The following MNAT1 variants were observed in gnomAD, a reference collection of about 807,000 sequenced individuals.
The protein encoded by MNAT1 is CDK-activating kinase assembly factor MAT1.
A neutral mutation model predicts 42.0 loss-of-function variants in MNAT1; 43 were observed. The ratio of observed to expected loss-of-function variants is 1.02; its 90% confidence interval spans 0.80 to 1.32. The LOEUF is 1.32. Among genes scored for constraint, MNAT1 ranks in the 40% most tolerant of loss-of-function variants. The pLI is 0.00. For synonymous variants in MNAT1, 118 were observed against 120.0 expected, an observed-to-expected ratio of 0.98 and a Z score of 0.11; for missense variants, 306 against 350.4, an observed-to-expected ratio of 0.87 and a Z score of 1.01.
chr14:60,759,219 A>G (rs1308508174), intron 1 of MNAT1, among the ~76,000 whole-genome samples: 2 of 152,320 alleles, frequency 1.3e-5, no homozygotes, highest in South Asian at 2.1e-4. Flanking sequence ...ACTGTAATAT[A>G]TGCTAAAAAT....
chr14:60,762,999 A>G (rs1234040040), intron 1 of MNAT1, among the ~76,000 whole-genome samples: 1 of 152,158 alleles, frequency 6.6e-6, no homozygotes, highest in Non-Finnish European at 1.5e-5. Context: ...AACCTTATAA[A>G]TCATCTAGTA....
chr14:60,815,739 A>C (rs2032694472), intron 5 of MNAT1, among the ~76,000 whole-genome samples: 2 of 152,164 alleles, frequency 1.3e-5, no homozygotes, highest in African/African-American at 4.8e-5. Flanking sequence ...CAGTGTTTAG[A>C]TCATATAACA....
In MNAT1 at chr14:60,842,070, A is replaced by C. The variant is rs1245320605; in HGVS notation, c.687+23223A>C. Among the ~76,000 whole-genome samples, 2 of 152,220 alleles carry C rather than the reference A, an allele frequency of 1.3e-5. 1 individual carries two copies. Among genetic ancestry groups the C allele is most frequent in the South Asian group, 4.1e-4 (2 of 4,836 alleles). On this transcript the variant is annotated intron_variant, in intron 6 of 7. Transcript: ENST00000261245. ...AAATTCTCTAGAGCAGAGGTGGACA[A>C]ACGGCAGCTAACTGACTAAATCCCA...
chr14:60,945,235 G>A (rs2036247759), intron 7 of MNAT1, among the ~76,000 whole-genome samples: 2 of 152,014 alleles, frequency 1.3e-5, no homozygotes. Context: ...TGAGACACAG[G>A]CAGCACTTTC....
intron 7 of MNAT1, among the ~76,000 whole-genome samples, chr14:60,943,955 A>G (rs2036225884): frequency 6.6e-6 from 1 of 152,210 alleles, no homozygotes; most frequent in Non-Finnish European, 1.5e-5. Context: ...TATTCATATA[A>G]GTTTTGTATA....
chr14:60,949,692 C>T (rs975378018), intron 7 of MNAT1, among the ~76,000 whole-genome samples: 2 of 152,100 alleles, frequency 1.3e-5, no homozygotes, highest in Non-Finnish European at 2.9e-5. Context: ...AACCAACTAA[C>T]TGGCTAATCT....
chr14:60,940,859 G>A lies in MNAT1; in HGVS notation c.810-27370G>A, dbSNP rs532466084. On this transcript the variant is annotated intron_variant, in intron 7 of 7. Coordinates refer to ENST00000261245, the MANE Select transcript of MNAT1 (RefSeq NM_002431.4). The stretch of plus-strand genomic sequence containing the variant: ...CTCTTCAACATTACAGAATCAGAAG[G>A]GTCAAAATTAGAATAGCCTGAGAAG... 9.9e-5 allele frequency among the ~76,000 whole-genome samples: 15 copies of A among 152,060 alleles called. 1 individual carries two copies. In the South Asian group the frequency reaches 2.9e-3, roughly 29 times the overall value.
intron 7 of MNAT1, among the ~76,000 whole-genome samples, chr14:60,959,403 AC>A (rs1291647499): frequency 6.6e-6 from 1 of 151,910 alleles, no homozygotes; most frequent in East Asian, 1.9e-4. Context: ...CTTTGTTTCC[AC>A]CCATGCCAGT....
chr14:60,967,693 C>T (rs551040002), intron 7 of MNAT1, among the ~76,000 whole-genome samples: 90 of 152,174 alleles, frequency 5.9e-4, no homozygotes, highest in Non-Finnish European at 1.1e-3. Flanking sequence ...ATGTAATTTT[C>T]TAATGTTTCC....
At chr14:60,964,030 G>T (rs577330599) in intron 7 of MNAT1, among the ~76,000 whole-genome samples, 84 of 152,292 alleles carry the variant, frequency 5.5e-4, no homozygotes, top group Non-Finnish European at 8.7e-4. Flanking sequence ...ACTTCAGCCA[G>T]ATGGTCAATA....
chr14:60,741,680 T>TTTG (rs1555371492), intron 1 of MNAT1, among the ~76,000 whole-genome samples: 2 of 141,446 alleles, frequency 1.4e-5, no homozygotes, highest in African/African-American at 5.3e-5. Flanking sequence ...TTTTTTTTTT[T>TTTG]AATTTTTAGT....
intron 6 of MNAT1, among the ~76,000 whole-genome samples, chr14:60,839,750 G>A (rs1293106300): frequency 6.6e-6 from 1 of 152,252 alleles, no homozygotes; most frequent in South Asian, 2.1e-4. Context: ...TGCAGTGGAA[G>A]CCACTTGCGG....
At chr14:60,967,154 T>C (rs2036697168) in intron 7 of MNAT1, among the ~76,000 whole-genome samples, 1 of 152,220 alleles carries the variant, frequency 6.6e-6, no homozygotes, top group African/African-American at 2.4e-5. Context: ...TTTTTTCTAC[T>C]GGACTCTTAT....
intron 7 of MNAT1, among the ~76,000 whole-genome samples, chr14:60,940,532 C>T (rs576211185): frequency 9.9e-5 from 15 of 152,198 alleles, no homozygotes; most frequent in African/African-American, 3.4e-4. Flanking sequence ...ATTCTTCTGC[C>T]TCAGCCTCCC....
chr14:60,873,022 G>A (rs1013053319), intron 6 of MNAT1, among the ~76,000 whole-genome samples: 7 of 151,888 alleles, frequency 4.6e-5, no homozygotes, highest in African/African-American at 9.7e-5. Flanking sequence ...TAATCACACC[G>A]AACAATTAAC....
At chr14:60,761,430 C>G (rs541573565) in intron 1 of MNAT1, among the ~76,000 whole-genome samples, 1 of 152,102 alleles carries the variant, frequency 6.6e-6, no homozygotes, top group African/African-American at 2.4e-5. Context: ...TATAATTTAC[C>G]TGAGAGCCCT....
intron 1 of MNAT1, among the ~76,000 whole-genome samples, chr14:60,788,640 A>G (rs1213235561): frequency 6.6e-6 from 1 of 152,202 alleles, no homozygotes; most frequent in Non-Finnish European, 1.5e-5. Context: ...GATATTATGG[A>G]TAACTTGCTG....
chr14:60,882,889 G>T (rs2034581491), intron 7 of MNAT1, among the ~76,000 whole-genome samples: 2 of 152,038 alleles, frequency 1.3e-5, no homozygotes, highest in African/African-American at 4.8e-5. Context: ...CTTCCTTTGA[G>T]AAATGTATGT....
chr14:60,735,173 G>C (rs1266284977), intron 1 of MNAT1, among the ~76,000 whole-genome samples: 1 of 152,210 alleles, frequency 6.6e-6, no homozygotes, highest in African/African-American at 2.4e-5. Flanking sequence ...GTGGCATCCA[G>C]CAGTTTGTCA....
Sources: gnomAD v4.1 joint callset for allele counts (sites outside exome capture counted in the v4.1 genomes callset) on GRCh38, gnomAD v4.1.1 for gene constraint, MANE v1.5 for transcripts, NCBI Gene and HGNC (gene_info 2026-07-23, HGNC 2026-07-21) for gene names.